The following RAPGEF1 variants were observed in gnomAD, a reference collection of about 807,000 sequenced individuals.
RAPGEF1 encodes the protein Rap guanine nucleotide exchange factor 1.
A neutral mutation model predicts 143.3 loss-of-function variants in RAPGEF1; 33 were observed. The observed-to-expected ratio is 0.23, with a 90% CI of 0.17 to 0.31. The LOEUF is 0.31. Ranked by LOEUF, RAPGEF1 falls within the 10% of genes least tolerant of loss-of-function variation. RAPGEF1 has a pLI of 1.00. For missense variants in RAPGEF1, 1,199 were observed against 1,645.4 expected (o/e 0.73, Z 4.69); for synonymous variants, 629 against 676.5 (o/e 0.93, Z 1.09).
At chr9:131,717,929 G>A in intron 1 of RAPGEF1, among the ~76,000 whole-genome samples, 1 of 152,126 alleles carries the variant, frequency 6.6e-6, no homozygotes, top group East Asian at 1.9e-4. Flanking sequence ...AGGGAGCAAA[G>A]GACACAGGAA....
chr9:131,677,551 T>C (rs1354112005), intron 1 of RAPGEF1, among the ~76,000 whole-genome samples: 1 of 152,180 alleles, frequency 6.6e-6, no homozygotes, highest in African/African-American at 2.4e-5. Context: ...AAACACCAAG[T>C]GACATTTTTA....
Position 131,666,833 on chromosome 9 carries a change from C to G in RAPGEF1, c.62-15884G>C, listed in dbSNP as rs533726583. On this transcript the variant is annotated intron_variant, in intron 1 of 26. Coordinates refer to ENST00000683357, the MANE Select transcript of RAPGEF1 (RefSeq NM_001377935.1). ...TCAGCACATCTCAGATGGCACTGGC[C>G]ACATTTCCAGTGCTGCTGGACTAGA... 3.9e-5 allele frequency among the ~76,000 whole-genome samples: 6 copies of G among 152,306 alleles called. No homozygotes were observed. The East Asian group carries it at 7.7e-4, about 20-fold the overall frequency.
chr9:131,703,465 A>G (rs1360694316), intron 1 of RAPGEF1, among the ~76,000 whole-genome samples: 1 of 152,218 alleles, frequency 6.6e-6, no homozygotes, highest in Non-Finnish European at 1.5e-5. Context: ...CTGACTGGAT[A>G]CTGACTGCAC....
chr9:131,597,398 G>A (rs1588298408), intron 16 of RAPGEF1, among the ~76,000 whole-genome samples: 2 of 152,358 alleles, frequency 1.3e-5, no homozygotes, highest in African/African-American at 4.8e-5. Context: ...GACAGCCCAA[G>A]GCGCAGACAC....
chr9:131,712,098 C>T (rs372190996), intron 1 of RAPGEF1, among the ~76,000 whole-genome samples: 11 of 152,186 alleles, frequency 7.2e-5, no homozygotes, highest in Non-Finnish European at 1.2e-4. Context: ...ATGTGTCTGT[C>T]GCACCGTCTC....
At chr9:131,585,842 G>C (rs80299620) in intron 22 of RAPGEF1, among the ~76,000 whole-genome samples, 15,793 of 152,074 alleles carry the variant, frequency 0.1, 899 homozygotes, top group Middle Eastern at 0.24. Context: ...AGAGACAAGA[G>C]CTCTGGTTTA....
chr9:131,625,212 T>C (rs1271467577), intron 10 of RAPGEF1, among the ~76,000 whole-genome samples: 1 of 152,082 alleles, frequency 6.6e-6, no homozygotes, highest in Admixed American at 6.5e-5. Flanking sequence ...ACTATGCTAG[T>C]GAAGCAGGGA....
intron 1 of RAPGEF1, among the ~76,000 whole-genome samples, chr9:131,673,034 TTA>T (rs759742026): frequency 4.6e-5 from 7 of 152,210 alleles, no homozygotes; most frequent in Non-Finnish European, 7.3e-5. Flanking sequence ...GCTTGCTTGT[TTA>T]TATTTGGCTG....
At chr9:131,610,955 G>C (rs1224550888) in intron 12 of RAPGEF1, among the ~76,000 whole-genome samples, 1 of 152,210 alleles carries the variant, frequency 6.6e-6, no homozygotes, top group African/African-American at 2.4e-5. Flanking sequence ...AACTATTAGG[G>C]ATACCTCTGG....
intron 12 of RAPGEF1, among the ~76,000 whole-genome samples, chr9:131,605,775 T>C (rs1159212735): frequency 6.6e-6 from 1 of 151,910 alleles, no homozygotes; most frequent in Non-Finnish European, 1.5e-5. Context: ...TTTTTTTTTT[T>C]TTTAACAAAT....
At chr9:131,707,790 T>C (rs1280441672) in intron 1 of RAPGEF1, among the ~76,000 whole-genome samples, 1 of 152,230 alleles carries the variant, frequency 6.6e-6, no homozygotes, top group East Asian at 1.9e-4. Flanking sequence ...AGAGTGATTA[T>C]GATTTTAGAG....
chr9:131,692,377 G>A lies in RAPGEF1; in HGVS notation c.62-41428C>T, dbSNP rs550191598. ...TTTGAGTTTTTACTATTTGTAGGCT[G>A]GAACGGATCCAGAATTCTTCTACTT... is the stretch of plus-strand genomic sequence containing the variant. On this transcript the variant is annotated intron_variant, in intron 1 of 26. Coordinates refer to ENST00000683357, the MANE Select transcript of RAPGEF1 (RefSeq NM_001377935.1). Among the ~76,000 whole-genome samples, 7 of 152,314 alleles carry A rather than the reference G, an allele frequency of 4.6e-5. No homozygotes were observed. The East Asian group carries it at 1.3e-3, about 29-fold the overall frequency.
chr9:131,693,302 T>C (rs1833912099), intron 1 of RAPGEF1, among the ~76,000 whole-genome samples: 1 of 152,024 alleles, frequency 6.6e-6, no homozygotes, highest in South Asian at 2.1e-4. Flanking sequence ...AAGGGAGAAA[T>C]TGTTAAATTA....
intron 17 of RAPGEF1, among the ~76,000 whole-genome samples, chr9:131,593,622 C>T (rs1414760518): frequency 6.6e-6 from 1 of 152,222 alleles, no homozygotes; most frequent in Non-Finnish European, 1.5e-5. Context: ...CTGCCCCCAC[C>T]CTTGCCCCAT....
intron 15 of RAPGEF1, among the ~76,000 whole-genome samples, chr9:131,600,530 A>G (rs1389049161): frequency 6.6e-6 from 1 of 152,146 alleles, no homozygotes; most frequent in Non-Finnish European, 1.5e-5. Context: ...GGCCCTCTTC[A>G]ACAGGTCCCT....
chr9:131,737,299 C>T, intron 1 of RAPGEF1: 1 of 1,568,472 alleles, frequency 6.4e-7, no homozygotes, highest in Non-Finnish European at 8.8e-7. Context: ...CTCTTTCTCC[C>T]TGTCTCCACC....
chr9:131,679,645 G>A (rs923283911), intron 1 of RAPGEF1, among the ~76,000 whole-genome samples: 1 of 152,204 alleles, frequency 6.6e-6, no homozygotes, highest in African/African-American at 2.4e-5. Flanking sequence ...CCGGGTCCAC[G>A]CACAGTTTAG....
intron 21 of RAPGEF1, 45 bp from the exon 22 acceptor site, chr9:131,587,875 C>A: frequency 1.2e-6 from 2 of 1,603,108 alleles, no homozygotes; most frequent in East Asian, 2.2e-5. Context: ...CCCGGCTTTC[C>A]CCTGATGGGG....
chr9:131,678,522 G>GC (rs1258010062), intron 1 of RAPGEF1, among the ~76,000 whole-genome samples: 1 of 152,184 alleles, frequency 6.6e-6, no homozygotes, highest in East Asian at 1.9e-4. Flanking sequence ...AAGCCAGTGT[G>GC]CTGTTTTCAG....
Sources: allele counts gnomAD v4.1 joint callset (sites outside exome capture counted in the v4.1 genomes callset), GRCh38; gene constraint gnomAD v4.1.1; transcripts MANE v1.5; gene names NCBI Gene and HGNC (gene_info 2026-07-23, HGNC 2026-07-21).